The following BCL2L2 variants were observed in gnomAD, a reference collection of about 807,000 sequenced individuals.
The protein encoded by BCL2L2 is bcl-2-like protein 2.
A neutral mutation model predicts 14.6 loss-of-function variants in BCL2L2; 6 were observed. The ratio of observed to expected loss-of-function variants is 0.41; its 90% CI spans 0.22 to 0.81. The LOEUF (loss-of-function observed/expected upper bound fraction) is 0.81. BCL2L2 is among the 30% of genes least tolerant of loss of function. BCL2L2 has a pLI of 0.32. For missense variants in BCL2L2, 191 were observed against 260.5 expected (o/e 0.73, Z 1.84); for synonymous variants, 90 against 108.5 (o/e 0.83, Z 1.06).
chr14:23,310,604 A>G lies in BCL2L2; in HGVS notation c.*1639A>G. ...ATTTCTAGGGGAGGTGGTAGGCTGC[A>G]TGTGCCACTTGGTCTTGTTGTGAGT... On this transcript the variant is annotated 3_prime_UTR_variant, in exon 4 of 4. Coordinates refer to ENST00000250405, the MANE Select transcript of BCL2L2 (RefSeq NM_004050.5). The G allele has an allele frequency of 9.2e-7, 1 of 1,088,930 alleles. No homozygotes were observed. 67.5% of individuals were successfully genotyped at this position (1,088,930 alleles called of 1,614,324 possible). A position where few individuals can be genotyped will look rare whatever the true frequency, so the allele number is the denominator to read the frequency against.
intron 1 of BCL2L2, 61 bp from the exon 2 acceptor site, chr14:23,307,131 A>T (rs962606045): frequency 2.0e-5 from 3 of 152,684 alleles, no homozygotes; most frequent in Non-Finnish European, 4.4e-5. Context: ...AGCCCTTCCC[A>T]GGCCAGAACC....
intron 1 of BCL2L2, 107 bp downstream of exon 1, chr14:23,307,001 T>A (rs1288403517): frequency 6.6e-6 from 1 of 152,484 alleles, no homozygotes; most frequent in Non-Finnish European, 1.5e-5. Flanking sequence ...GGAATAGAGA[T>A]GGTGTCGGCA....
Position 23,310,362 on chromosome 14 carries a change from C to G in BCL2L2, c.*1397C>G. On this transcript the variant is annotated 3_prime_UTR_variant, in exon 4 of 4. Transcript: ENST00000250405. ...TTTCCAAGGTGCTAAGATTGCTGCT[C>G]TCCAATGCTAACTTTCTGACACAGT... is the stretch of plus-strand genomic sequence containing the variant. The G allele has an allele frequency of 2.0e-6, 2 of 988,852 alleles. No individual in the cohort carries two copies. The highest frequency in any genetic ancestry group is 2.4e-6 in the Non-Finnish European group (2 of 831,926). 61.3% of individuals were successfully genotyped at this position (988,852 alleles called of 1,614,324 possible).
Position 23,307,971 on chromosome 14 carries a change from G to C in BCL2L2, c.204G>C (p.Leu68=). 6.2e-7 allele frequency: 1 copy of C among 1,614,132 alleles called. No individual in the cohort carries two copies. Among genetic ancestry groups the C allele is most frequent in the South Asian group, 1.1e-5 (1 of 91,086 alleles). Reference sequence around the variant, plus strand: ...CCTTCTCTGATCTGGCGGCTCAGCTGCATGTGACCCCAGGCTCAGCCCAAC... The same window carrying C: ...CCTTCTCTGATCTGGCGGCTCAGCTCCATGTGACCCCAGGCTCAGCCCAAC... ...RRTFSDLAAQ[L]HVTPGSAQQR... Residue 68 remains leucine, a synonymous_variant, in exon 3 of 4, where the codon CTG becomes CTC. Coordinates refer to ENST00000250405, the MANE Select transcript of BCL2L2 (RefSeq NM_004050.5).
rs1214094360 is a variant in BCL2L2 at position 23,309,062 on chromosome 14, G to T, written c.*97G>T. On this transcript the variant is annotated 3_prime_UTR_variant, in exon 4 of 4. Coordinates refer to ENST00000250405, the MANE Select transcript of BCL2L2 (RefSeq NM_004050.5). ...TGGAAGAAGTGGAGTTGGTGGATGG[G>T]TGGGCATGGAACAGGATGGGCAGAG... 1.6e-6 allele frequency: 2 copies of T among 1,287,016 alleles called. No homozygotes were observed. The highest frequency in any genetic ancestry group is 2.0e-6 in the Non-Finnish European group (2 of 1,009,804). The allele number at this position is 1,287,016 out of a possible 1,614,324, so 79.7% of individuals were successfully genotyped here.
intron 2 of BCL2L2, 45 bp from the exon 3 acceptor site, chr14:23,307,715 T>C (rs972029421): frequency 6.6e-7 from 1 of 1,510,970 alleles, no homozygotes; most frequent in Non-Finnish European, 8.8e-7. Flanking sequence ...CTTCTGATTC[T>C]CTCTTCATAT....
rs1198103791 is a variant in BCL2L2 at position 23,308,078 on chromosome 14, C to T, written c.311C>T (p.Ala104Val). ...CTTGTAGCCTTCTTTGTCTTTGGGG[C>T]TGCACTGTGTGCTGAGAGTGTCAAC... ...GRLVAFFVFG[A>V]ALCAESVNKE... The change falls in exon 3 of 4, where the codon GCT becomes GTT. Residue 104 changes from alanine (A) to valine (V), a missense_variant. Transcript: ENST00000250405. This position sits in a 1 kb window ranked among gnomAD's most constrained non-coding sequence, Gnocchi z 5.4. 1 of 1,613,950 alleles carries T rather than the reference C, an allele frequency of 6.2e-7. No homozygotes were observed. The highest frequency in any genetic ancestry group is 2.2e-5 in the East Asian group (1 of 44,874).
At position 23,308,175 on chromosome 14, in the gene BCL2L2, C is replaced by G. The variant is rs755247935; in HGVS notation, c.408C>G (p.Asp136Glu). The change falls in exon 3 of 4, where the codon GAC becomes GAG. Residue 136 changes from aspartate (D) to glutamate (E), a missense_variant. By Grantham distance (45) the Asp-to-Glu change is conservative (BLOSUM62 2). Transcript: ENST00000250405. The surrounding 1 kb of genome is among the most constrained non-coding windows in gnomAD (Gnocchi z 5.4). Reference sequence around the variant, plus strand: ...CCTACCTGGAGACGCAGCTGGCTGACTGGATCCACAGCAGTGGGGGCTGGG... The same window carrying G: ...CCTACCTGGAGACGCAGCTGGCTGAGTGGATCCACAGCAGTGGGGGCTGGG... Reference protein sequence around the residue: ...MVAYLETQLADWIHSSGGWAE... With the variant: ...MVAYLETQLAEWIHSSGGWAE... 38 of 1,612,782 alleles carry G rather than the reference C, an allele frequency of 2.4e-5. No individual in the cohort carries two copies. In the Admixed American group the frequency reaches 4.5e-4, roughly 19 times the overall value.
chr14:23,306,865 A>G lies in BCL2L2; in HGVS notation c.-126A>G, dbSNP rs1566461053. 1 of 152,032 alleles carries G rather than the reference A, an allele frequency of 6.6e-6. No homozygotes were observed. The highest frequency in any genetic ancestry group is 2.4e-5 in the African/African-American group (1 of 41,302). 9.4% of individuals were successfully genotyped at this position (152,032 alleles called of 1,614,324 possible). A position where few individuals can be genotyped will look rare whatever the true frequency, so the allele number is the denominator to read the frequency against. On this transcript the variant is annotated 5_prime_UTR_variant, in exon 1 of 4. Coordinates refer to ENST00000250405, the MANE Select transcript of BCL2L2 (RefSeq NM_004050.5). ...TCCCTCCCAGCTCCTGCACCAGGAAACGGCCCGGATCCCGGCAGCGGCCTG... is the reference window on the plus strand; with the variant it reads ...TCCCTCCCAGCTCCTGCACCAGGAAGCGGCCCGGATCCCGGCAGCGGCCTG...
At position 23,310,973 on chromosome 14, in the gene BCL2L2, GT is replaced by G; in HGVS notation, c.*2009del. On this transcript the variant is annotated 3_prime_UTR_variant, in exon 4 of 4. Coordinates refer to ENST00000250405, the MANE Select transcript of BCL2L2 (RefSeq NM_004050.5). ...TTGGAGTCTGTGCTTCCTTCCCCAG[GT>G]ATGGAGCACACTCTTCACCCTACCC... 1 of 1,289,576 alleles carries G rather than the reference GT, an allele frequency of 7.8e-7. No homozygotes were observed. Among genetic ancestry groups the G allele is most frequent in the Non-Finnish European group, 1.0e-6 (1 of 988,682 alleles). The allele number at this position is 1,289,576 out of a possible 1,614,324, so 79.9% of individuals were successfully genotyped here. A position where few individuals can be genotyped will look rare whatever the true frequency, so the allele number is the denominator to read the frequency against.
In BCL2L2 at chr14:23,308,843, G is replaced by A. The variant is rs745852602; in HGVS notation, c.460G>A (p.Gly154Arg). ...WAEFTALYGD[G>R]ALEEARRLRE... ...GGAGTTCACAGCTCTATACGGGGAC[G>A]GGGCCCTGGAGGAGGCGCGGCGTCT... The change falls in exon 4 of 4, where the codon GGG becomes AGG. Residue 154 changes from glycine to arginine, a missense_variant. Gly to Arg is a moderately radical substitution (Grantham distance 125). Transcript: ENST00000250405. The surrounding 1 kb of genome is among the most constrained non-coding windows in gnomAD (Gnocchi z 5.4). 2.3e-6 allele frequency: 3 copies of A among 1,320,676 alleles called. No homozygotes were observed. The highest frequency in any genetic ancestry group is 3.0e-5 in the South Asian group (1 of 33,026). 81.8% of individuals were successfully genotyped at this position (1,320,676 alleles called of 1,614,324 possible). A position where few individuals can be genotyped will look rare whatever the true frequency, so the allele number is the denominator to read the frequency against.
In BCL2L2 at chr14:23,308,349, A is replaced by G; in HGVS notation, c.432+150A>G. 8.3e-7 allele frequency: 1 copy of G among 1,205,956 alleles called. No individual in the cohort carries two copies. Among genetic ancestry groups the G allele is most frequent in the Non-Finnish European group, 1.1e-6 (1 of 891,036 alleles). The allele number at this position is 1,205,956 out of a possible 1,614,324, so 74.7% of individuals were successfully genotyped here. A position where few individuals can be genotyped will look rare whatever the true frequency, so the allele number is the denominator to read the frequency against. ...CCCGTCTGGATGGAATTAGATTGAG[A>G]GATGCCTGGACTCTGCACTCCAGGG... On this transcript the variant is annotated intron_variant, in intron 3 of 3. Transcript: ENST00000250405. This position sits in a 1 kb window ranked among gnomAD's most constrained non-coding sequence, Gnocchi z 5.4.
chr14:23,309,963 A>G lies in BCL2L2; in HGVS notation c.*998A>G. On this transcript the variant is annotated 3_prime_UTR_variant, in exon 4 of 4. Transcript: ENST00000250405. ...TTGTGGGCATAAGTGCTGATCTAGAATACAGTCTGGGTCCCACACTGTGTC... is the reference window on the plus strand; with the variant it reads ...TTGTGGGCATAAGTGCTGATCTAGAGTACAGTCTGGGTCCCACACTGTGTC... 7 of 985,468 alleles carry G rather than the reference A, an allele frequency of 7.1e-6. No individual in the cohort carries two copies. Among genetic ancestry groups the G allele is most frequent in the Non-Finnish European group, 7.2e-6 (6 of 829,956 alleles). The allele number at this position is 985,468 out of a possible 1,614,324, so 61.0% of individuals were successfully genotyped here.
In BCL2L2 at chr14:23,308,671, A is replaced by C. The variant is rs1051952814; in HGVS notation, c.433-145A>C. 2.6e-5 allele frequency: 16 copies of C among 623,084 alleles called. No individual in the cohort carries two copies. The highest frequency in any genetic ancestry group is 2.4e-5 in the Non-Finnish European group (10 of 411,824). 38.6% of individuals were successfully genotyped at this position (623,084 alleles called of 1,614,324 possible). ...GGGATCAGAGGGGCTTGCAGGGAGA[A>C]GAGCTTTGGCCAGAGAGGAGCTGGG... On this transcript the variant is annotated intron_variant, in intron 3 of 3. Coordinates refer to ENST00000250405, the MANE Select transcript of BCL2L2 (RefSeq NM_004050.5). The surrounding 1 kb of genome is among the most constrained non-coding windows in gnomAD (Gnocchi z 5.4).
Position 23,310,971 on chromosome 14 carries a change from A to G in BCL2L2, c.*2006A>G. ...AATTGGAGTCTGTGCTTCCTTCCCC[A>G]GGTATGGAGCACACTCTTCACCCTA... On this transcript the variant is annotated 3_prime_UTR_variant, in exon 4 of 4. Coordinates refer to ENST00000250405, the MANE Select transcript of BCL2L2 (RefSeq NM_004050.5). 5 of 1,289,574 alleles carry G rather than the reference A, an allele frequency of 3.9e-6. No individual in the cohort carries two copies. Among genetic ancestry groups the G allele is most frequent in the Non-Finnish European group, 5.1e-6 (5 of 988,682 alleles). 79.9% of individuals were successfully genotyped at this position (1,289,574 alleles called of 1,614,324 possible). A position where few individuals can be genotyped will look rare whatever the true frequency, so the allele number is the denominator to read the frequency against.
chr14:23,308,718 G>A lies in BCL2L2; in HGVS notation c.433-98G>A, dbSNP rs1380791151. 8 of 1,032,106 alleles carry A rather than the reference G, an allele frequency of 7.8e-6. No individual in the cohort carries two copies. In the East Asian group the frequency reaches 2.0e-4, roughly 26 times the overall value. The allele number at this position is 1,032,106 out of a possible 1,614,324, so 63.9% of individuals were successfully genotyped here. A position where few individuals can be genotyped will look rare whatever the true frequency, so the allele number is the denominator to read the frequency against. On this transcript the variant is annotated intron_variant, in intron 3 of 3. Coordinates refer to ENST00000250405, the MANE Select transcript of BCL2L2 (RefSeq NM_004050.5). The surrounding 1 kb of genome is among the most constrained non-coding windows in gnomAD (Gnocchi z 5.4). ...TGGGTATGGGGTAGTGCTCGCAGTG[G>A]ATGGAACTGGAACTCTTCCTCTCCT... is the stretch of plus-strand genomic sequence containing the variant.
chr14:23,308,738 TCTC>T lies in BCL2L2; in HGVS notation c.433-74_433-72del. 2 of 1,170,028 alleles carry T rather than the reference TCTC, an allele frequency of 1.7e-6. No individual in the cohort carries two copies. Among genetic ancestry groups the T allele is most frequent in the South Asian group, 3.4e-5 (1 of 29,262 alleles). 72.5% of individuals were successfully genotyped at this position (1,170,028 alleles called of 1,614,324 possible). A position where few individuals can be genotyped will look rare whatever the true frequency, so the allele number is the denominator to read the frequency against. On this transcript the variant is annotated intron_variant, in intron 3 of 3. Coordinates refer to ENST00000250405, the MANE Select transcript of BCL2L2 (RefSeq NM_004050.5). The surrounding 1 kb of genome is among the most constrained non-coding windows in gnomAD (Gnocchi z 5.4). ...CAGTGGATGGAACTGGAACTCTTCC[TCTC>T]CTCTTCTCTCCACTCTTTCCTCTCC...
Position 23,308,749 on chromosome 14 carries a change from C to T in BCL2L2, c.433-67C>T. ...ACTGGAACTCTTCCTCTCCTCTTCT[C>T]TCCACTCTTTCCTCTCCTGATATCC... On this transcript the variant is annotated intron_variant, in intron 3 of 3. Coordinates refer to ENST00000250405, the MANE Select transcript of BCL2L2 (RefSeq NM_004050.5). The surrounding 1 kb of genome is among the most constrained non-coding windows in gnomAD (Gnocchi z 5.4). 1 of 1,227,376 alleles carries T rather than the reference C, an allele frequency of 8.1e-7. No homozygotes were observed. The highest frequency in any genetic ancestry group is 1.1e-6 in the Non-Finnish European group (1 of 942,510). The allele number at this position is 1,227,376 out of a possible 1,614,324, so 76.0% of individuals were successfully genotyped here. A position where few individuals can be genotyped will look rare whatever the true frequency, so the allele number is the denominator to read the frequency against.
At position 23,310,351 on chromosome 14, in the gene BCL2L2, A is replaced by G; in HGVS notation, c.*1386A>G. The G allele has an allele frequency of 8.1e-6, 8 of 988,330 alleles. No homozygotes were observed. The highest frequency in any genetic ancestry group is 9.6e-6 in the Non-Finnish European group (8 of 831,636). 61.2% of individuals were successfully genotyped at this position (988,330 alleles called of 1,614,324 possible). A position where few individuals can be genotyped will look rare whatever the true frequency, so the allele number is the denominator to read the frequency against. The stretch of plus-strand genomic sequence containing the variant: ...CACTGCTGCACTTTCCAAGGTGCTA[A>G]GATTGCTGCTCTCCAATGCTAACTT... On this transcript the variant is annotated 3_prime_UTR_variant, in exon 4 of 4. Transcript: ENST00000250405.
Sources: gnomAD v4.1 joint callset for allele counts on GRCh38, gnomAD v4.1.1 for gene constraint, Gnocchi (gnomAD v3.1) non-coding constraint, MANE v1.5 for transcripts, NCBI Gene and HGNC (gene_info 2026-07-23, HGNC 2026-07-21) for gene names.